KAZN: variants seen among roughly 807,000 people sequenced by gnomAD.
KAZN encodes the protein kazrin.
Under a neutral mutation model 87.4 loss-of-function variants are expected in KAZN, and 40 were observed. The ratio of observed to expected loss-of-function variants is 0.46; its 90% CI spans 0.36 to 0.60. The LOEUF is 0.60. KAZN is among the 20% of genes least tolerant of loss of function. The probability of loss-of-function intolerance (pLI) is 0.00; values close to 1 mark genes in which losing one functional copy is unlikely to be tolerated. For synonymous variants in KAZN, 466 were observed against 458.3 expected (o/e 1.02, Z -0.22); for missense variants, 898 against 1,073.9 (o/e 0.84, Z 2.29).
chr1:14,570,720 T>C (rs1674813221), intron 2 of KAZN, among the ~76,000 whole-genome samples: 1 of 152,252 alleles, frequency 6.6e-6, no homozygotes, highest in Non-Finnish European at 1.5e-5. Context: ...TGTGGACGTA[T>C]GTTCTCATTT....
chr1:14,564,126 A>G (rs1457895555), intron 2 of KAZN, among the ~76,000 whole-genome samples: 1 of 151,746 alleles, frequency 6.6e-6, no homozygotes, highest in Non-Finnish European at 1.5e-5. Context: ...CTTAGTACTT[A>G]AGTCCTACCT....
chr1:14,196,060 A>G (rs1398003066), intron 2 of KAZN, among the ~76,000 whole-genome samples: 1 of 152,142 alleles, frequency 6.6e-6, no homozygotes, highest in Non-Finnish European at 1.5e-5. Flanking sequence ...CAAGGGAGAG[A>G]CCATTTCAGA....
At chr1:14,887,775 C>T (rs1251712305) in intron 1 of KAZN, among the ~76,000 whole-genome samples, 2 of 151,166 alleles carry the variant, frequency 1.3e-5, no homozygotes, top group Non-Finnish European at 2.9e-5. Flanking sequence ...AGCTTTCGGG[C>T]CTAATTAGAA....
At chr1:14,627,898 C>G (rs1490628000) in intron 1 of KAZN, among the ~76,000 whole-genome samples, 3 of 152,104 alleles carry the variant, frequency 2.0e-5, no homozygotes, top group African/African-American at 7.2e-5. Context: ...GCCCATCAGG[C>G]GTCTACTTGG....
chr1:14,407,635 C>G (rs1043508414), intron 2 of KAZN, among the ~76,000 whole-genome samples: 1 of 152,188 alleles, frequency 6.6e-6, no homozygotes, highest in African/African-American at 2.4e-5. Context: ...GATCTCTCTA[C>G]ACTCATGTTA....
rs192532830 is a variant in KAZN, at chr1:13,903,977, C to A, written c.91+10221C>A. 1.9e-4 allele frequency among the ~76,000 whole-genome samples: 29 copies of A among 152,208 alleles called. No homozygotes were observed. The East Asian group carries it at 5.4e-3, about 28-fold the overall frequency. ...AGCAACAGGTCTCCAGGAAGGGATG[C>A]GAGCTCTAGAGAGGCATGAACCACT... On this transcript the variant is annotated intron_variant, in intron 1 of 16. Coordinates refer to the KAZN transcript ENST00000636203.
intron 1 of KAZN, among the ~76,000 whole-genome samples, chr1:14,697,979 G>A (rs1201178986): frequency 6.6e-6 from 1 of 152,186 alleles, no homozygotes; most frequent in East Asian, 1.9e-4. Flanking sequence ...CTGAGGTAGA[G>A]TAGCCGGAAA....
chr1:15,094,786 C>T lies in KAZN; in HGVS notation c.1429-29C>T. On this transcript the variant is annotated intron_variant, in intron 9 of 14. Coordinates refer to ENST00000376030, the MANE Select transcript of KAZN (RefSeq NM_201628.3). The surrounding 1 kb of genome is among the most constrained non-coding windows in gnomAD (Gnocchi z 4.5). The stretch of plus-strand genomic sequence containing the variant: ...GAACCCCGCCGGCAGCTGTCCCAGC[C>T]CCCATATGACACTCCCTCCCGGGGG... The T allele has an allele frequency of 1.3e-6, 2 of 1,506,076 alleles. No homozygotes were observed. The highest frequency in any genetic ancestry group is 1.8e-6 in the Non-Finnish European group (2 of 1,108,104). The allele number at this position is 1,506,076 out of a possible 1,614,324, so 93.3% of individuals were successfully genotyped here.
chr1:14,907,679 A>G (rs10927571), intron 1 of KAZN, among the ~76,000 whole-genome samples: 23,750 of 152,170 alleles, frequency 0.16, 2,038 homozygotes, highest in South Asian at 0.31. Flanking sequence ...TAGAAGGAAA[A>G]GAAAGAAGGG....
At chr1:14,645,090 T>G (rs1680711790) in intron 1 of KAZN, among the ~76,000 whole-genome samples, 1 of 152,216 alleles carries the variant, frequency 6.6e-6, no homozygotes, top group Non-Finnish European at 1.5e-5. Flanking sequence ...TTGTTAGTTT[T>G]GTTGAAGATT....
intron 1 of KAZN, among the ~76,000 whole-genome samples, chr1:14,917,956 G>A (rs1188960755): frequency 1.3e-5 from 2 of 151,778 alleles, no homozygotes; most frequent in South Asian, 4.2e-4. Context: ...TCAGCTCACC[G>A]CAACCTCTGC....
chr1:14,053,124 A>G lies in KAZN; in HGVS notation c.92-127311A>G, dbSNP rs187475618. On this transcript the variant is annotated intron_variant, in intron 1 of 16. Transcript: ENST00000636203. Reference sequence around the variant, plus strand: ...GGTCACGGGATCTTACTCCTGTGACATTACATCACACAGGGCTCTGTTTTT... The same window carrying G: ...GGTCACGGGATCTTACTCCTGTGACGTTACATCACACAGGGCTCTGTTTTT... 1.7e-4 allele frequency among the ~76,000 whole-genome samples: 26 copies of G among 152,318 alleles called. 1 individual carries two copies. The East Asian group carries it at 4.8e-3, about 28-fold the overall frequency.
At chr1:14,784,294 C>T (rs1391972690) in intron 1 of KAZN, among the ~76,000 whole-genome samples, 2 of 152,212 alleles carry the variant, frequency 1.3e-5, no homozygotes, top group Non-Finnish European at 2.9e-5. Flanking sequence ...CTACAAAATA[C>T]CTTCCTGGCA....
Position 14,978,173 on chromosome 1 carries a change from C to T in KAZN, c.418+17298C>T, listed in dbSNP as rs115013088. Among the ~76,000 whole-genome samples the T allele has an allele frequency of 5.5e-3, 834 of 152,298 alleles. 6 individuals carry two copies. Among genetic ancestry groups the T allele is most frequent in the African/African-American group, 0.019 (782 of 41,556 alleles). On this transcript the variant is annotated intron_variant, in intron 2 of 14. Transcript: ENST00000376030. ...GCTGGTTCTTGCTAAAGACCTCTTT[C>T]TTTCCTTGGGCACATGCTTGCTGGC... is the stretch of plus-strand genomic sequence containing the variant.
chr1:14,023,489 G>A (rs1470979086), intron 1 of KAZN, among the ~76,000 whole-genome samples: 1 of 152,064 alleles, frequency 6.6e-6, no homozygotes, highest in Non-Finnish European at 1.5e-5. Context: ...TCTCACCAGG[G>A]GTAACACAGC....
chr1:15,087,569 A>G (rs1640320639), intron 8 of KAZN, among the ~76,000 whole-genome samples: 1 of 151,840 alleles, frequency 6.6e-6, no homozygotes, highest in Non-Finnish European at 1.5e-5. Context: ...ATTTTTTTGT[A>G]TTTTTAGTAG....
chr1:14,222,724 A>T (rs1647133357), intron 2 of KAZN, among the ~76,000 whole-genome samples: 1 of 152,222 alleles, frequency 6.6e-6, no homozygotes, highest in Non-Finnish European at 1.5e-5. Context: ...CCCAAGAGGG[A>T]TGAATGTAAG....
At chr1:14,083,856 G>A (rs1220205982) in intron 1 of KAZN, among the ~76,000 whole-genome samples, 1 of 152,186 alleles carries the variant, frequency 6.6e-6, no homozygotes, top group Non-Finnish European at 1.5e-5. Flanking sequence ...CATGAAATCA[G>A]TTAATCCTCC....
At chr1:14,133,377 A>AAAAAGAAAGAAAG (rs1553132989) in intron 1 of KAZN, among the ~76,000 whole-genome samples, 7 of 72,058 alleles carry the variant, frequency 9.7e-5, no homozygotes, top group African/African-American at 5.1e-4. Flanking sequence ...AAAAAAAAAA[A>AAAAAGAAAGAAAG]AAAGAAAGAA....
Sources: allele counts gnomAD v4.1 joint callset (sites outside exome capture counted in the v4.1 genomes callset), GRCh38; gene constraint gnomAD v4.1.1; non-coding constraint Gnocchi (gnomAD v3.1); transcripts MANE v1.5; gene names NCBI Gene and HGNC (gene_info 2026-07-23, HGNC 2026-07-21).